The following TENM2 variants were observed in gnomAD, a reference collection of about 807,000 sequenced individuals.
The protein encoded by TENM2 is teneurin transmembrane protein 2.
Under a neutral mutation model 245.2 loss-of-function variants are expected in TENM2, and 52 were observed. That is an observed-to-expected ratio of 0.21 (90% CI 0.17 to 0.27). TENM2 has a LOEUF of 0.27. Ranked by LOEUF, TENM2 falls within the 10% of genes least tolerant of loss-of-function variation. TENM2 has a pLI of 1.00. For synonymous variants in TENM2, 1,363 were observed against 1,438.9 expected (o/e 0.95, Z 1.19); for missense variants, 3,046 against 3,666.8 (o/e 0.83, Z 4.37).
At chr5:167,910,061 T>C (rs1256532955) in intron 3 of TENM2, among the ~76,000 whole-genome samples, 1 of 152,196 alleles carries the variant, frequency 6.6e-6, no homozygotes, top group African/African-American at 2.4e-5. Flanking sequence ...GATTTTGATC[T>C]GGTACTTTTG....
intron 2 of TENM2, among the ~76,000 whole-genome samples, chr5:167,846,110 A>G (rs1770016392): frequency 6.6e-6 from 1 of 152,188 alleles, no homozygotes; most frequent in Admixed American, 6.5e-5. Context: ...TGTCCCTGAA[A>G]GCAGGTCCCT....
At chr5:167,182,003 G>A in the TENM2 span, among the ~76,000 whole-genome samples, 3 of 151,988 alleles carry the variant, frequency 2.0e-5, no homozygotes. Flanking sequence ...TCTTATTTGA[G>A]GTTTTATCCA....
the TENM2 span, among the ~76,000 whole-genome samples, chr5:167,236,679 A>G: frequency 6.6e-6 from 1 of 152,232 alleles, no homozygotes; most frequent in South Asian, 2.1e-4. Flanking sequence ...GGGAATGTGC[A>G]TAAGGTGAGG....
At chr5:167,874,525 C>A (rs534542312) in intron 2 of TENM2, among the ~76,000 whole-genome samples, 1 of 152,178 alleles carries the variant, frequency 6.6e-6, no homozygotes, top group Non-Finnish European at 1.5e-5. Flanking sequence ...TTGCAACACT[C>A]ACCTTGTCCT....
chr5:167,067,706 A>G, the TENM2 span, among the ~76,000 whole-genome samples: 16 of 152,312 alleles, frequency 1.1e-4, no homozygotes, highest in African/African-American at 3.6e-4. Flanking sequence ...ACCAAAGACT[A>G]TGCTCTGCTC....
chr5:167,768,073 G>A (rs1763157035), intron 2 of TENM2, among the ~76,000 whole-genome samples: 1 of 152,144 alleles, frequency 6.6e-6, no homozygotes, highest in Non-Finnish European at 1.5e-5. Context: ...TCCCTTATTA[G>A]TAATGCGCGT....
chr5:166,995,247 A>T, the TENM2 span, among the ~76,000 whole-genome samples: 7 of 151,330 alleles, frequency 4.6e-5, no homozygotes, highest in African/African-American at 1.7e-4. Flanking sequence ...TTTTTTATTT[A>T]TTTATTTTTT....
chr5:167,206,557 C>T, the TENM2 span, among the ~76,000 whole-genome samples: 1 of 152,144 alleles, frequency 6.6e-6, no homozygotes, highest in Non-Finnish European at 1.5e-5. Flanking sequence ...ACGCTTTGCC[C>T]ATTGAGCAAT....
intron 7 of TENM2, among the ~76,000 whole-genome samples, chr5:168,071,894 A>G: frequency 6.6e-6 from 1 of 152,178 alleles, no homozygotes; most frequent in East Asian, 1.9e-4. Context: ...CACTTTGGGT[A>G]TGAGAGAGCA....
chr5:168,253,909 G>T (rs1447930467), intron 27 of TENM2, among the ~76,000 whole-genome samples: 1 of 152,220 alleles, frequency 6.6e-6, no homozygotes, highest in South Asian at 2.1e-4. Context: ...TAAAATTTGA[G>T]TTCAGTGACC....
intron 2 of TENM2, among the ~76,000 whole-genome samples, chr5:167,557,905 C>G (rs1224778529): frequency 6.6e-6 from 1 of 152,184 alleles, no homozygotes. Flanking sequence ...TTACATTATA[C>G]TCATTTTACA....
At chr5:167,286,154 G>A (rs1337943058) in intron 1 of TENM2, among the ~76,000 whole-genome samples, 1 of 152,080 alleles carries the variant, frequency 6.6e-6, no homozygotes, top group Non-Finnish European at 1.5e-5. Context: ...TACACTCCTG[G>A]TTTACCCTAG....
chr5:167,377,848 A>T (rs966586251), intron 2 of TENM2, among the ~76,000 whole-genome samples: 4 of 152,168 alleles, frequency 2.6e-5, no homozygotes, highest in Non-Finnish European at 4.4e-5. Flanking sequence ...GCCATCATTA[A>T]TTTCTCACAC....
chr5:167,641,743 C>G (rs950678418), intron 2 of TENM2, among the ~76,000 whole-genome samples: 1 of 152,112 alleles, frequency 6.6e-6, no homozygotes, highest in Admixed American at 6.5e-5. Flanking sequence ...TCAGCTTCCT[C>G]GTCAGTAAAA....
At chr5:168,122,325 G>C (rs753572130) in intron 10 of TENM2, among the ~76,000 whole-genome samples, 2 of 152,012 alleles carry the variant, frequency 1.3e-5, no homozygotes, top group Non-Finnish European at 2.9e-5. Flanking sequence ...TACAGGCACC[G>C]GCCACCACGC....
intron 23 of TENM2, among the ~76,000 whole-genome samples, chr5:168,221,858 T>C (rs1763698813): frequency 6.6e-6 from 1 of 152,216 alleles, no homozygotes; most frequent in East Asian, 1.9e-4. Flanking sequence ...GTGGAGTCCA[T>C]CTCTGCCACA....
At chr5:167,384,669 T>A (rs747457629) in intron 2 of TENM2, among the ~76,000 whole-genome samples, 2 of 151,260 alleles carry the variant, frequency 1.3e-5, no homozygotes, top group Non-Finnish European at 2.9e-5. Flanking sequence ...AGCATCTGAT[T>A]AAAACACACA....
intron 23 of TENM2, among the ~76,000 whole-genome samples, chr5:168,223,665 C>G (rs1023807732): frequency 2.0e-5 from 3 of 151,996 alleles, no homozygotes; most frequent in Non-Finnish European, 2.9e-5. Context: ...CAGGGTTTCA[C>G]CATGTTGGCC....
intron 1 of TENM2, among the ~76,000 whole-genome samples, chr5:167,332,840 A>C (rs1223120878): frequency 6.6e-6 from 1 of 152,196 alleles, no homozygotes; most frequent in Non-Finnish European, 1.5e-5. Context: ...ACAGTAAAAT[A>C]ATAATATTCT....
Sources: allele counts gnomAD v4.1 joint callset (sites outside exome capture counted in the v4.1 genomes callset), GRCh38; gene constraint gnomAD v4.1.1; transcripts MANE v1.5; gene names NCBI Gene and HGNC (gene_info 2026-07-23, HGNC 2026-07-21).